The following MIGA1 variants were observed in gnomAD, a reference collection of about 807,000 sequenced individuals.
MIGA1 encodes family with sequence similarity 73, member A.
A neutral mutation model predicts 82.0 loss-of-function variants in MIGA1; 58 were observed. The observed-to-expected ratio is 0.71, with a 90% CI of 0.57 to 0.88. The LOEUF (loss-of-function observed/expected upper bound fraction) is 0.88. Ranked by LOEUF, MIGA1 falls within the 40% of genes least tolerant of loss-of-function variation. MIGA1 has a pLI of 0.00. For missense variants in MIGA1, 751 were observed against 749.1 expected, an observed-to-expected ratio of 1.00 and a Z score of -0.03; for synonymous variants, 249 against 253.6, an observed-to-expected ratio of 0.98 and a Z score of 0.17.
At chr1:77,835,235 G>A (rs1557919046) in intron 7 of MIGA1, among the ~76,000 whole-genome samples, 1 of 152,150 alleles carries the variant, frequency 6.6e-6, no homozygotes, top group African/African-American at 2.4e-5. Context: ...TGTGAATTAT[G>A]AGATTGTGAA....
intron 7 of MIGA1, among the ~76,000 whole-genome samples, chr1:77,824,666 A>T (rs1459537088): frequency 2.0e-5 from 3 of 152,232 alleles, no homozygotes; most frequent in Non-Finnish European, 4.4e-5. Context: ...CACAGATTTT[A>T]TTATAATTAT....
intron 2 of MIGA1, among the ~76,000 whole-genome samples, chr1:77,793,396 C>T (rs147394879): frequency 7.6e-4 from 115 of 152,172 alleles, no homozygotes; most frequent in African/African-American, 2.6e-3. Context: ...AGCCATGGTG[C>T]CCAGCCTATT....
At chr1:77,821,453 C>G (rs960027677) in intron 7 of MIGA1, among the ~76,000 whole-genome samples, 1 of 148,840 alleles carries the variant, frequency 6.7e-6, no homozygotes, top group Non-Finnish European at 1.5e-5. Context: ...AACAATGGTA[C>G]GATCTCATCT....
chr1:77,869,907 C>CG (rs1210534232), intron 14 of MIGA1, among the ~76,000 whole-genome samples: 11 of 122,048 alleles, frequency 9.0e-5, no homozygotes, highest in African/African-American at 2.6e-4. Flanking sequence ...GCTGGCCGGG[C>CG]GGGGGGCTGA....
chr1:77,792,992 C>T (rs1682493639), intron 2 of MIGA1, among the ~76,000 whole-genome samples: 1 of 151,778 alleles, frequency 6.6e-6, no homozygotes, highest in Non-Finnish European at 1.5e-5. Flanking sequence ...GGTTTTACCA[C>T]GTTGGCCAGC....
At chr1:77,802,226 A>G (rs890553643) in intron 3 of MIGA1, among the ~76,000 whole-genome samples, 3 of 152,194 alleles carry the variant, frequency 2.0e-5, no homozygotes, top group South Asian at 2.1e-4. Context: ...ACTATTTCGT[A>G]CTGAGTGCAG....
At chr1:77,853,974 T>G (rs531376214) in intron 8 of MIGA1, 2 of 204,130 alleles carry the variant, frequency 9.8e-6, no homozygotes, top group Non-Finnish European at 2.0e-5. Flanking sequence ...TTGTGAGACT[T>G]TGGTGCACCT....
chr1:77,866,650 GT>G (rs1376733935), intron 14 of MIGA1, among the ~76,000 whole-genome samples: 1 of 149,664 alleles, frequency 6.7e-6, no homozygotes, highest in Non-Finnish European at 1.5e-5. Context: ...GCTCTGATAA[GT>G]TTTAGGTTTT....
chr1:77,793,052 A>G (rs1682495647), intron 2 of MIGA1, among the ~76,000 whole-genome samples: 1 of 151,422 alleles, frequency 6.6e-6, no homozygotes, highest in African/African-American at 2.4e-5. Context: ...CAGCCTCCCA[A>G]AGTACTGGGA....
chr1:77,857,935 A>G (rs1685325119), intron 8 of MIGA1, among the ~76,000 whole-genome samples: 1 of 152,140 alleles, frequency 6.6e-6, no homozygotes, highest in South Asian at 2.1e-4. Context: ...TTGTTTTTGT[A>G]CTAAGTTTTG....
At chr1:77,782,005 G>C (rs750252115) in intron 1 of MIGA1, among the ~76,000 whole-genome samples, 10 of 150,132 alleles carry the variant, frequency 6.7e-5, no homozygotes, top group Non-Finnish European at 8.9e-5. Flanking sequence ...TTTTTTTTTG[G>C]TGTAGGCAGG....
At position 77,859,033 on chromosome 1, in the gene MIGA1, A is replaced by G; in HGVS notation, c.1092A>G (p.Gly364=). The G allele has an allele frequency of 6.2e-7, 1 of 1,609,722 alleles. No individual in the cohort carries two copies. The highest frequency in any genetic ancestry group is 8.5e-7 in the Non-Finnish European group (1 of 1,176,002). ...AAGCCATGCATTTAGTTGAAGAAGG[A>G]AAAATTTACTCCAGAGTACTGAGGT... Residue 364 remains glycine (G), a synonymous_variant, in exon 9 of 16, where the codon GGA becomes GGG. Coordinates refer to ENST00000370791, the MANE Select transcript of MIGA1 (RefSeq NM_198549.4).
At chr1:77,819,791 A>G (rs181734639) in intron 7 of MIGA1, among the ~76,000 whole-genome samples, 4 of 152,044 alleles carry the variant, frequency 2.6e-5, no homozygotes, top group African/African-American at 9.7e-5. Context: ...CGTGTTACCC[A>G]GGCTGGTCTC....
chr1:77,848,296 C>T, intron 8 of MIGA1: 4 of 1,310,612 alleles, frequency 3.1e-6, no homozygotes, highest in South Asian at 1.3e-5. Context: ...AGAAATATTC[C>T]CAAAGAGAAC....
intron 2 of MIGA1, among the ~76,000 whole-genome samples, chr1:77,795,491 A>T (rs1299506036): frequency 6.6e-6 from 1 of 151,084 alleles, no homozygotes; most frequent in Non-Finnish European, 1.5e-5. Flanking sequence ...CCACTGCCAT[A>T]CCCTGCCAAT....
rs796602849 is a variant in MIGA1, at chr1:77,876,543, T to G, written c.*1479T>G. 1.3e-4 allele frequency: 20 copies of G among 152,362 alleles called. No homozygotes were observed. The highest frequency in any genetic ancestry group is 4.8e-4 in the African/African-American group (20 of 41,590). 9.4% of individuals were successfully genotyped at this position (152,362 alleles called of 1,614,324 possible). ...AGGCAATTTAAAATTTAGTGTTATT[T>G]GAAGACTGTCAACATCTGAAGGTAT... On this transcript the variant is annotated 3_prime_UTR_variant, in exon 16 of 16. Transcript: ENST00000370791.
chr1:77,849,096 A>C lies in MIGA1; in HGVS notation c.996+5689A>C, dbSNP rs182126308. Among the ~76,000 whole-genome samples the C allele has an allele frequency of 1.4e-3, 217 of 152,326 alleles. 1 individual carries two copies. Among genetic ancestry groups the C allele is most frequent in the Admixed American group, 7.8e-3 (120 of 15,296 alleles). ...CATAATGAGGAAAATTGGCTCCACT[A>C]CAACCATTAAAAAATAATTTTGGCC... On this transcript the variant is annotated intron_variant, in intron 8 of 15. Coordinates refer to ENST00000370791, the MANE Select transcript of MIGA1 (RefSeq NM_198549.4).
Position 77,860,094 on chromosome 1 carries a change from A to C in MIGA1, c.1243A>C (p.Ile415Leu), listed in dbSNP as rs749128673. ...ATTCCTCGCTGAGAGCGGAAGGAAA[A>C]TTTTATCAGCTTTAATTGTGAAAGC... The change falls in exon 11 of 16, where the codon ATT becomes CTT. Residue 415 changes from isoleucine (I) to leucine (L), a missense_variant. This residue lies in a region of MIGA1 where 265 missense variants were observed against 293.6 expected (regional missense o/e 0.90). Transcript: ENST00000370791. 1 of 1,611,900 alleles carries C rather than the reference A, an allele frequency of 6.2e-7. No homozygotes were observed. Among genetic ancestry groups the C allele is most frequent in the Non-Finnish European group, 8.5e-7 (1 of 1,178,972 alleles).
chr1:77,844,109 A>ATATATAT (rs1172674928), intron 8 of MIGA1, among the ~76,000 whole-genome samples: 2 of 51,960 alleles, frequency 3.8e-5, no homozygotes, highest in African/African-American at 1.4e-4. Context: ...TTAAAAAAAA[A>ATATATAT]AAAAATATAT....
Sources: allele counts gnomAD v4.1 joint callset (sites outside exome capture counted in the v4.1 genomes callset), GRCh38; gene constraint gnomAD v4.1.1; regional missense constraint gnomAD v4.1.1; transcripts MANE v1.5; gene names NCBI Gene and HGNC (gene_info 2026-07-23, HGNC 2026-07-21).